Variants in HSPA12A observed in about 807,000 individuals in gnomAD.
HSPA12A encodes the protein heat shock protein family A (Hsp70) member 12A, also known as heat shock 70 kDa protein 12A.
A neutral mutation model predicts 69.2 loss-of-function variants in HSPA12A; 28 were observed. That is an observed-to-expected ratio of 0.40 (90% confidence interval 0.30 to 0.55). HSPA12A has a LOEUF of 0.55. Among genes scored for constraint, HSPA12A ranks in the 20% least tolerant of loss-of-function variants. The pLI, the probability that HSPA12A is intolerant of heterozygous loss-of-function variation, is 0.38. For synonymous variants in HSPA12A, 345 were observed against 370.5 expected (o/e 0.93, Z 0.79); for missense variants, 686 against 900.7 (o/e 0.76, Z 3.05).
intron 2 of HSPA12A, among the ~76,000 whole-genome samples, chr10:116,806,380 A>AT (rs1437045721): frequency 6.6e-6 from 1 of 151,772 alleles, no homozygotes; most frequent in African/African-American, 2.4e-5. Context: ...TAATTTTTGT[A>AT]TTTTTTTGTA....
At chr10:116,798,023 A>T (rs1844869042) in intron 2 of HSPA12A, among the ~76,000 whole-genome samples, 1 of 151,184 alleles carries the variant, frequency 6.6e-6, no homozygotes, top group Non-Finnish European at 1.5e-5. Flanking sequence ...TTTCAATGTA[A>T]GAGAAGCTCT....
intron 2 of HSPA12A, among the ~76,000 whole-genome samples, chr10:116,823,312 T>A (rs1349471071): frequency 1.3e-5 from 2 of 152,104 alleles, no homozygotes; most frequent in Non-Finnish European, 2.9e-5. Context: ...AAAGAAGACA[T>A]AGGTAATCCA....
intron 6 of HSPA12A, 129 bp from the exon 7 acceptor site, chr10:116,684,091 A>C: frequency 1.3e-6 from 1 of 748,440 alleles, no homozygotes; most frequent in Non-Finnish European, 2.0e-6. Context: ...CATTCTCTAC[A>C]CAGTCCTCTG....
chr10:116,769,703 G>C (rs369138537), intron 2 of HSPA12A, among the ~76,000 whole-genome samples: 2 of 152,316 alleles, frequency 1.3e-5, no homozygotes, highest in East Asian at 1.9e-4. Context: ...CAATAAATTA[G>C]AGCAAAACAG....
At chr10:116,721,491 C>A (rs184480253) in intron 1 of HSPA12A, among the ~76,000 whole-genome samples, 52 of 152,224 alleles carry the variant, frequency 3.4e-4, no homozygotes, top group African/African-American at 1.2e-3. Context: ...CAGCTCCTGG[C>A]CCAGAGAAGG....
chr10:116,799,272 G>A (rs1211953093), intron 2 of HSPA12A, among the ~76,000 whole-genome samples: 1 of 152,188 alleles, frequency 6.6e-6, no homozygotes, highest in Non-Finnish European at 1.5e-5. Flanking sequence ...CTTCCACCCT[G>A]TTCAGGGCTT....
chr10:116,713,989 A>G (rs1173547422), intron 1 of HSPA12A, among the ~76,000 whole-genome samples: 4 of 147,292 alleles, frequency 2.7e-5, no homozygotes, highest in Admixed American at 6.8e-5. Context: ...CAAGCACTCA[A>G]TGTTGGATGG....
At chr10:116,743,719 T>TGACGG (rs1376987521), upstream of HSPA12A, among the ~76,000 whole-genome samples, 23 of 150,748 alleles carry the variant, frequency 1.5e-4, no homozygotes, top group African/African-American at 5.7e-4. Flanking sequence ...GCGTTATGGA[T>TGACGG]GACGGAATGG....
intron 2 of HSPA12A, among the ~76,000 whole-genome samples, chr10:116,758,887 G>C (rs868953544): frequency 1.3e-5 from 2 of 152,144 alleles, no homozygotes; most frequent in South Asian, 2.1e-4. Context: ...GTGAAGGCAG[G>C]CCTCGGCTGA....
intron 2 of HSPA12A, among the ~76,000 whole-genome samples, chr10:116,819,773 T>A (rs1329436825): frequency 6.6e-6 from 1 of 152,194 alleles, no homozygotes; most frequent in Admixed American, 6.5e-5. Context: ...ATAATGGAAA[T>A]GCAACTTCTA....
At chr10:116,763,883 G>A (rs1564811642) in intron 2 of HSPA12A, among the ~76,000 whole-genome samples, 1 of 152,176 alleles carries the variant, frequency 6.6e-6, no homozygotes, top group Non-Finnish European at 1.5e-5. Flanking sequence ...GGGCACAGCA[G>A]GCTTTTGTGG....
At chr10:116,824,863 A>G (rs1271928958) in intron 2 of HSPA12A, among the ~76,000 whole-genome samples, 1 of 151,712 alleles carries the variant, frequency 6.6e-6, no homozygotes, top group Non-Finnish European at 1.5e-5. Flanking sequence ...TGATCTCCTG[A>G]ACTTGTGATC....
upstream of HSPA12A, among the ~76,000 whole-genome samples, chr10:116,744,720 G>A (rs1344209028): frequency 6.6e-6 from 1 of 152,242 alleles, no homozygotes. Flanking sequence ...CCAGCGAGGG[G>A]CTGTTGTGGT....
intron 5 of HSPA12A, among the ~76,000 whole-genome samples, chr10:116,694,203 G>A (rs938679426): frequency 2.0e-5 from 3 of 152,140 alleles, no homozygotes; most frequent in African/African-American, 7.2e-5. Flanking sequence ...CATGTGTCAG[G>A]CACTGTCACG....
chr10:116,832,007 A>G (rs1046086645), intron 2 of HSPA12A: 2 of 152,232 alleles, frequency 1.3e-5, no homozygotes, highest in African/African-American at 4.8e-5. Context: ...CCAGAAATAG[A>G]AGAGATATGA....
At chr10:116,681,688 A>G in intron 8 of HSPA12A, 103 bp downstream of exon 8, 1 of 970,784 alleles carries the variant, frequency 1.0e-6, no homozygotes, top group Non-Finnish European at 1.6e-6. Flanking sequence ...GAACCCACTG[A>G]GTTTGAACAT....
rs546946700 is a variant in HSPA12A at position 116,723,208 on chromosome 10, GC to G, written c.41-15924del. Among the ~76,000 whole-genome samples, 3 of 150,382 alleles carry G rather than the reference GC, an allele frequency of 2.0e-5. No homozygotes were observed. Among genetic ancestry groups the G allele is most frequent in the African/African-American group, 7.4e-5 (3 of 40,754 alleles). On this transcript the variant is annotated intron_variant, in intron 1 of 11. Coordinates refer to ENST00000369209, the MANE Select transcript of HSPA12A (RefSeq NM_025015.3). This position sits in a 1 kb window ranked among gnomAD's most constrained non-coding sequence, Gnocchi z 4.1. ...ATACCTCCATTACCCCCTAACCATTGCCCCCCCATCATTCCTGTCCTCATAC... is the reference window on the plus strand; with the variant it reads ...ATACCTCCATTACCCCCTAACCATTGCCCCCCATCATTCCTGTCCTCATAC...
chr10:116,751,447 C>G (rs2133086868), intron 2 of HSPA12A, among the ~76,000 whole-genome samples: 1 of 152,332 alleles, frequency 6.6e-6, no homozygotes, highest in East Asian at 1.9e-4. Context: ...CACAATATAT[C>G]TGTTTTCTCA....
chr10:116,715,148 C>T (rs926446096), intron 1 of HSPA12A, among the ~76,000 whole-genome samples: 7 of 152,198 alleles, frequency 4.6e-5, no homozygotes, highest in Admixed American at 2.0e-4. Context: ...TCAGAACCCC[C>T]GAGGCTTGTT....
Sources: allele counts gnomAD v4.1 joint callset (sites outside exome capture counted in the v4.1 genomes callset), GRCh38; gene constraint gnomAD v4.1.1; non-coding constraint Gnocchi (gnomAD v3.1); transcripts MANE v1.5; gene names NCBI Gene and HGNC (gene_info 2026-07-23, HGNC 2026-07-21).